The following MICU3 variants were observed in gnomAD, a reference collection of about 807,000 sequenced individuals.
MICU3 encodes calcium uptake protein 3, mitochondrial.
A neutral mutation model predicts 66.5 loss-of-function variants in MICU3; 62 were observed. That is an observed-to-expected ratio of 0.93 (90% CI 0.76 to 1.15). The LOEUF (loss-of-function observed/expected upper bound fraction) is 1.15, where lower values mean the gene tolerates loss of function less well. MICU3 is among the 50% of genes most tolerant of loss of function. MICU3 has a pLI of 0.00. For missense variants in MICU3, 779 were observed against 664.4 expected, an observed-to-expected ratio of 1.17 and a Z score of -1.90; for synonymous variants, 308 against 240.7, an observed-to-expected ratio of 1.28 and a Z score of -2.59.
chr8:17,027,410 C>T lies in MICU3; in HGVS notation c.131C>T (p.Ser44Phe). 1 of 1,412,694 alleles carries T rather than the reference C, an allele frequency of 7.1e-7. No individual in the cohort carries two copies. Among genetic ancestry groups the T allele is most frequent in the Non-Finnish European group, 9.2e-7 (1 of 1,090,804 alleles). 87.5% of individuals were successfully genotyped at this position (1,412,694 alleles called of 1,614,324 possible). The change falls in exon 1 of 15, where the codon TCC becomes TTC. Residue 44 changes from serine to phenylalanine, a missense_variant. By Grantham distance (155) the Ser-to-Phe change is radical. Transcript: ENST00000318063. The stretch of plus-strand genomic sequence containing the variant: ...CTGGGCCTTCCTGGCCGGCCCTTCT[C>T]CTCCCGAGAGGATGAGGAGAGGGCT... Reference protein sequence around the residue: ...TTLGLPGRPFSSREDEERAVA... With the variant: ...TTLGLPGRPFFSREDEERAVA...
At chr8:17,082,197 T>C (rs1247505491) in intron 5 of MICU3, among the ~76,000 whole-genome samples, 3 of 152,054 alleles carry the variant, frequency 2.0e-5, no homozygotes, top group Non-Finnish European at 2.9e-5. Context: ...ATATGAAGGG[T>C]TTACTATGTT....
chr8:17,095,739 T>C (rs576173636), intron 8 of MICU3, among the ~76,000 whole-genome samples: 1 of 151,902 alleles, frequency 6.6e-6, no homozygotes, highest in East Asian at 1.9e-4. Flanking sequence ...CCTTTCCTCC[T>C]TCCCTCTTTA....
At chr8:17,048,360 A>C (rs1331131118) in intron 1 of MICU3, among the ~76,000 whole-genome samples, 1 of 152,164 alleles carries the variant, frequency 6.6e-6, no homozygotes, top group Non-Finnish European at 1.5e-5. Context: ...CACTGGCCTT[A>C]AAGAAGGCAA....
At position 17,113,692 on chromosome 8, in the gene MICU3, AG is replaced by A. The variant is rs1176410026; in HGVS notation, c.1258-397del. Among the ~76,000 whole-genome samples, 76 of 152,344 alleles carry A rather than the reference AG, an allele frequency of 5.0e-4. 2 individuals are homozygous for A. The highest frequency in any genetic ancestry group is 1.8e-3 in the African/African-American group (76 of 41,580). On this transcript the variant is annotated intron_variant, in intron 11 of 14. Coordinates refer to ENST00000318063, the MANE Select transcript of MICU3 (RefSeq NM_181723.3). ...AATTCCATTTGAGGAATACATGTGCAGGGGAAACTTTTTTATGGCTTTTTTT... is the reference window on the plus strand; with the variant it reads ...AATTCCATTTGAGGAATACATGTGCAGGGAAACTTTTTTATGGCTTTTTTT...
chr8:17,086,091 A>C (rs78144310), intron 6 of MICU3, among the ~76,000 whole-genome samples: 227 of 152,200 alleles, frequency 1.5e-3, no homozygotes, highest in African/African-American at 5.2e-3. Flanking sequence ...AAAGAAAGGG[A>C]AATCAACAGC....
the MICU3 span, among the ~76,000 whole-genome samples, chr8:17,129,370 GA>G: frequency 2.6e-5 from 4 of 152,088 alleles, no homozygotes; most frequent in African/African-American, 9.7e-5. Context: ...AAAACTTTAA[GA>G]ACTATTATAA....
chr8:17,116,698 G>T (rs1224197252), intron 13 of MICU3, 98 bp downstream of exon 13: 1 of 922,394 alleles, frequency 1.1e-6, no homozygotes, highest in South Asian at 1.9e-5. Context: ...ATTTCTTAAG[G>T]ATATAAACAT....
chr8:17,136,475 G>A, the MICU3 span, among the ~76,000 whole-genome samples: 1 of 151,994 alleles, frequency 6.6e-6, no homozygotes, highest in African/African-American at 2.4e-5. Context: ...TTAATCCTCC[G>A]CTGTCACCCT....
intron 1 of MICU3, among the ~76,000 whole-genome samples, chr8:17,059,503 C>T (rs1037675991): frequency 6.6e-6 from 1 of 152,092 alleles, no homozygotes; most frequent in African/African-American, 2.4e-5. Flanking sequence ...TATAGACCTA[C>T]CACTCTAGCA....
intron 1 of MICU3, among the ~76,000 whole-genome samples, chr8:17,052,046 A>G (rs999482347): frequency 6.6e-6 from 1 of 152,222 alleles, no homozygotes. Flanking sequence ...GAGGAGGTCT[A>G]CATGCTGAAC....
the MICU3 span, among the ~76,000 whole-genome samples, chr8:17,128,607 C>G: frequency 4.6e-5 from 7 of 152,146 alleles, no homozygotes; most frequent in African/African-American, 1.7e-4. Context: ...TAGACTTATC[C>G]TTCTACCATA....
chr8:17,055,690 G>C (rs1351310579), intron 1 of MICU3, among the ~76,000 whole-genome samples: 1 of 152,156 alleles, frequency 6.6e-6, no homozygotes, highest in Non-Finnish European at 1.5e-5. Context: ...GTCATCATCT[G>C]CCTGGGTCTC....
intron 7 of MICU3, among the ~76,000 whole-genome samples, chr8:17,088,279 A>C (rs1020203826): frequency 2.0e-5 from 3 of 151,952 alleles, no homozygotes; most frequent in African/African-American, 7.2e-5. Flanking sequence ...TTGTAATGTT[A>C]GTCAAGTATC....
rs1378424410 is a variant in MICU3, at chr8:17,121,576, T to C, written c.*1289T>C. ...CATTTATCTTCCTTTCTAAGACATA[T>C]TTAATGTAGGTTACATACACTCCAA... On this transcript the variant is annotated 3_prime_UTR_variant, in exon 15 of 15. Coordinates refer to ENST00000318063, the MANE Select transcript of MICU3 (RefSeq NM_181723.3). The C allele has an allele frequency of 6.6e-6, 1 of 152,242 alleles. No individual in the cohort carries two copies. Among genetic ancestry groups the C allele is most frequent in the African/African-American group, 2.4e-5 (1 of 41,448 alleles). The allele number at this position is 152,242 out of a possible 1,614,324, so 9.4% of individuals were successfully genotyped here.
chr8:17,050,130 A>G (rs1458834125), intron 1 of MICU3, among the ~76,000 whole-genome samples: 5 of 152,172 alleles, frequency 3.3e-5, no homozygotes, highest in African/African-American at 1.2e-4. Flanking sequence ...GTACATGCAA[A>G]TATTGAATTG....
intron 1 of MICU3, among the ~76,000 whole-genome samples, chr8:17,049,453 G>A (rs745655536): frequency 4.6e-5 from 7 of 152,164 alleles, no homozygotes; most frequent in Non-Finnish European, 7.3e-5. Flanking sequence ...TGTGGGCCAA[G>A]GGAAAAGGCA....
rs137959051 is a variant in MICU3, at chr8:17,034,704, A to G, written c.381+7044A>G. 5.3e-3 allele frequency among the ~76,000 whole-genome samples: 802 copies of G among 152,350 alleles called. 9 individuals are homozygous for G. Among genetic ancestry groups the G allele is most frequent in the African/African-American group, 0.018 (762 of 41,574 alleles). ...GGTGGTGAAATAGCAAGAGAACTACAATTAGAAATGGAGCCTAAAGATATG... is the reference window on the plus strand; with the variant it reads ...GGTGGTGAAATAGCAAGAGAACTACGATTAGAAATGGAGCCTAAAGATATG... On this transcript the variant is annotated intron_variant, in intron 1 of 14. Coordinates refer to ENST00000318063, the MANE Select transcript of MICU3 (RefSeq NM_181723.3).
At chr8:17,082,907 A>T (rs758636108) in intron 5 of MICU3, among the ~76,000 whole-genome samples, 9 of 152,178 alleles carry the variant, frequency 5.9e-5, no homozygotes, top group Non-Finnish European at 1.2e-4. Context: ...GTATTTCAAA[A>T]AATATTTTTT....
At chr8:17,030,900 A>G (rs1203624215) in intron 1 of MICU3, among the ~76,000 whole-genome samples, 1 of 152,122 alleles carries the variant, frequency 6.6e-6, no homozygotes, top group Non-Finnish European at 1.5e-5. Context: ...CATCTCTTCA[A>G]TTTTATAAAA....
Sources: gnomAD v4.1 joint callset for allele counts (sites outside exome capture counted in the v4.1 genomes callset) on GRCh38, gnomAD v4.1.1 for gene constraint, MANE v1.5 for transcripts, NCBI Gene and HGNC (gene_info 2026-07-23, HGNC 2026-07-21) for gene names.